The following PCNT variants were observed in gnomAD, a reference collection of about 807,000 sequenced individuals.
The protein encoded by PCNT is pericentrin, also known as kendrin.
PCNT carries 319 observed loss-of-function variants against 380.4 expected under a neutral mutation model. The observed-to-expected ratio is 0.84, with a 90% confidence interval of 0.77 to 0.92. PCNT has a LOEUF of 0.92. PCNT is among the 40% of genes least tolerant of loss of function. PCNT has a pLI of 0.00. For missense variants in PCNT, 4,400 were observed against 4,255.3 expected, an observed-to-expected ratio of 1.03 and a Z score of -0.95; for synonymous variants, 1,845 against 1,735.2, an observed-to-expected ratio of 1.06 and a Z score of -1.57.
chr21:46,366,817 A>C lies in PCNT; in HGVS notation c.2843A>C (p.Glu948Ala). The change falls in exon 15 of 47, where the codon GAA becomes GCA. Residue 948 changes from glutamate (E) to alanine (A), a missense_variant. Coordinates refer to ENST00000359568, the MANE Select transcript of PCNT (RefSeq NM_006031.6). The part of the protein sequence containing the change: ...QGALLAARVA[E>A]LQTKHAADLG... ...GCTCTGCTGGCTGCACGTGTGGCCG[A>C]ACTGCAGACAAAACACGCTGCCGAC... 2.5e-6 allele frequency: 4 copies of C among 1,613,890 alleles called. No individual in the cohort carries two copies. Among genetic ancestry groups the C allele is most frequent in the Non-Finnish European group, 3.4e-6 (4 of 1,180,036 alleles).
chr21:46,354,391 C>G (rs146656283), intron 11 of PCNT, among the ~76,000 whole-genome samples: 1 of 152,334 alleles, frequency 6.6e-6, no homozygotes, highest in East Asian at 1.9e-4. Flanking sequence ...GAAATTGTGT[C>G]TTTGCTTTGA....
rs765318137 is a variant in PCNT, at chr21:46,412,825, TC to T, written c.5995-10del. 2 of 1,609,966 alleles carry T rather than the reference TC, an allele frequency of 1.2e-6. No individual in the cohort carries two copies. The highest frequency in any genetic ancestry group is 1.7e-6 in the Non-Finnish European group (2 of 1,179,954). ...CCTGCATGCTCAGCTTTCCTCTGTC[TC>T]CTCTGTCAAGGGTGATCTGCAGCCT... On this transcript the variant is annotated splice_polypyrimidine_tract_variant and intron_variant, in intron 28 of 46. Coordinates refer to ENST00000359568, the MANE Select transcript of PCNT (RefSeq NM_006031.6).
chr21:46,371,674 C>T (rs543649532), intron 15 of PCNT, among the ~76,000 whole-genome samples: 2 of 152,350 alleles, frequency 1.3e-5, no homozygotes, highest in South Asian at 4.1e-4. Context: ...ATTCTCTGCA[C>T]CTATGCAGGA....
intron 38 of PCNT, among the ~76,000 whole-genome samples, chr21:46,432,655 G>A (rs973675261): frequency 1.3e-5 from 2 of 152,116 alleles, no homozygotes; most frequent in African/African-American, 4.8e-5. Flanking sequence ...GATAGGGTCT[G>A]GCTCTGTCAC....
chr21:46,348,978 C>G, intron 6 of PCNT, 34 bp from the exon 7 acceptor site: 1 of 1,352,540 alleles, frequency 7.4e-7, no homozygotes, highest in Non-Finnish European at 1.1e-6. Flanking sequence ...AGATAATCAA[C>G]TATTGAGTTT....
Position 46,399,626 on chromosome 21 carries a change from G to T in PCNT, c.4621G>T (p.Asp1541Tyr). The T allele has an allele frequency of 6.2e-7, 1 of 1,613,902 alleles. No homozygotes were observed. Among genetic ancestry groups the T allele is most frequent in the South Asian group, 1.1e-5 (1 of 91,070 alleles). Residue 1541 changes from aspartate to tyrosine, a missense_variant, in exon 25 of 47, where the codon GAT (aspartate) becomes TAT (tyrosine). Coordinates refer to ENST00000359568, the MANE Select transcript of PCNT (RefSeq NM_006031.6). ...ACAACAAAAGTTGAGAGAAAAGTTG[G>T]ATGAATTTAATGAATTGGCTATACA... The part of the protein sequence containing the change: ...LLQQKLREKL[D>Y]EFNELAIQKE...
chr21:46,346,274 C>G, intron 4 of PCNT, 66 bp downstream of exon 4: 3 of 775,776 alleles, frequency 3.9e-6, no homozygotes, highest in Non-Finnish European at 6.8e-6. Context: ...GCACAGTGGG[C>G]ATCCGGGTGG....
At chr21:46,422,336 G>A (rs571108017) in intron 32 of PCNT, among the ~76,000 whole-genome samples, 2 of 152,344 alleles carry the variant, frequency 1.3e-5, no homozygotes, top group South Asian at 2.1e-4. Flanking sequence ...TTAGGTGGCC[G>A]CCTCCCATCT....
intron 18 of PCNT, 100 bp from the exon 19 acceptor site, chr21:46,389,099 C>T (rs1207231070): frequency 5.5e-5 from 74 of 1,342,262 alleles, no homozygotes; most frequent in Non-Finnish European, 6.9e-5. Flanking sequence ...TCGGCTGGGG[C>T]GACGTTCTGA....
In PCNT at chr21:46,432,195, C is replaced by G. The variant is rs898659540; in HGVS notation, c.8731C>G (p.Gln2911Glu). 1 of 1,611,332 alleles carries G rather than the reference C, an allele frequency of 6.2e-7. No individual in the cohort carries two copies. The highest frequency in any genetic ancestry group is 8.5e-7 in the Non-Finnish European group (1 of 1,179,364). ...PAAAEQWRKW[Q>E]RDKEKLRELE... ...GGCTGCGGAGCAGTGGAGGAAGTGG[C>G]AGAGAGACAAGGAGAAGCTGGTGAG... The change falls in exon 38 of 47, where the codon CAG (glutamine) becomes GAG (glutamate). Residue 2911 changes from glutamine to glutamate, a missense_variant. Physicochemically the swap from Gln to Glu is conservative, Grantham distance 29. Coordinates refer to ENST00000359568, the MANE Select transcript of PCNT (RefSeq NM_006031.6).
intron 14 of PCNT, among the ~76,000 whole-genome samples, chr21:46,366,364 G>C (rs1190550565): frequency 1.3e-5 from 2 of 152,114 alleles, no homozygotes; most frequent in African/African-American, 2.4e-5. Context: ...CATGGCTTTG[G>C]CCTTTGGCCT....
At chr21:46,437,437 G>A (rs1041277917) in intron 40 of PCNT, among the ~76,000 whole-genome samples, 2 of 152,258 alleles carry the variant, frequency 1.3e-5, no homozygotes. Context: ...ACACATTGCA[G>A]GTCGCTGGTC....
rs755153957 is a variant in PCNT, at chr21:46,353,268, T to A, written c.1621T>A (p.Leu541Ile). The A allele has an allele frequency of 2.6e-5, 42 of 1,614,036 alleles. No homozygotes were observed. The highest frequency in any genetic ancestry group is 3.5e-5 in the Non-Finnish European group (41 of 1,180,034). The change falls in exon 10 of 47, where the codon TTA becomes ATA. Residue 541 changes from leucine to isoleucine, a missense_variant. Coordinates refer to ENST00000359568, the MANE Select transcript of PCNT (RefSeq NM_006031.6). ...EKTYQEDLTL[L>I]QQRLQGARED... is the part of the protein sequence containing the mutation. Reference sequence around the variant, plus strand: ...AACTTACCAAGAAGACCTAACCCTGTTACAGCAGAGGCTGCAGGGGGCGAG... The same window carrying A: ...AACTTACCAAGAAGACCTAACCCTGATACAGCAGAGGCTGCAGGGGGCGAG...
intron 8 of PCNT, 108 bp from the exon 9 acceptor site, chr21:46,351,321 G>A (rs1439429724): frequency 2.6e-6 from 2 of 768,112 alleles, no homozygotes; most frequent in African/African-American, 3.4e-5. Flanking sequence ...TGGGATGTGA[G>A]CTTTTACCCT....
At chr21:46,396,115 C>G (rs1400204988) in intron 21 of PCNT, among the ~76,000 whole-genome samples, 1 of 152,206 alleles carries the variant, frequency 6.6e-6, no homozygotes, top group Admixed American at 6.5e-5. Context: ...AAAATGGAGG[C>G]TTCAGGACTT....
chr21:46,341,363 T>G (rs1021896600), intron 3 of PCNT, among the ~76,000 whole-genome samples: 2 of 152,136 alleles, frequency 1.3e-5, no homozygotes, highest in Non-Finnish European at 2.9e-5. Context: ...GTGAGGTGTT[T>G]GTGTTACTTT....
chr21:46,436,795 G>A (rs77530646), intron 39 of PCNT, among the ~76,000 whole-genome samples, 184 bp from the exon 40 acceptor site: 288 of 152,252 alleles, frequency 1.9e-3, no homozygotes, highest in Non-Finnish European at 2.9e-3. Context: ...CTGCAGAAGC[G>A]TCCAGCCACA....
intron 14 of PCNT, among the ~76,000 whole-genome samples, chr21:46,365,730 C>G (rs2084899279): frequency 6.9e-6 from 1 of 145,458 alleles, no homozygotes; most frequent in Non-Finnish European, 1.5e-5. Flanking sequence ...CTGTGGGGTT[C>G]TATTCACTGC....
rs777344309 is a variant in PCNT, at chr21:46,349,675, C to T, written c.1208-9C>T. 4 of 1,613,754 alleles carry T rather than the reference C, an allele frequency of 2.5e-6. No homozygotes were observed. Among genetic ancestry groups the T allele is most frequent in the Non-Finnish European group, 3.4e-6 (4 of 1,179,706 alleles). ...TTGTAAACCAAGTGCCATTGCTTTA[C>T]CTTTCTAGGGGCCCTTAGGAACCTG... On this transcript the variant is annotated splice_polypyrimidine_tract_variant and intron_variant, in intron 7 of 46. Coordinates refer to ENST00000359568, the MANE Select transcript of PCNT (RefSeq NM_006031.6).
Sources: allele counts gnomAD v4.1 joint callset (sites outside exome capture counted in the v4.1 genomes callset), GRCh38; gene constraint gnomAD v4.1.1; transcripts MANE v1.5; gene names NCBI Gene and HGNC (gene_info 2026-07-23, HGNC 2026-07-21).